Variants in COL6A6 observed in about 807,000 individuals in gnomAD.
COL6A6 encodes the protein collagen alpha-6(VI) chain.
COL6A6 carries 183 observed loss-of-function variants against 208.6 expected under a neutral mutation model. The observed-to-expected ratio is 0.88, with a 90% CI of 0.78 to 0.99. The LOEUF is 0.99. Among genes scored for constraint, COL6A6 ranks in the 50% least tolerant of loss-of-function variants. COL6A6 has a pLI of 0.00. For synonymous variants in COL6A6, 973 were observed against 1,011.8 expected, an observed-to-expected ratio of 0.96 and a Z score of 0.73; for missense variants, 2,816 against 2,815.2, an observed-to-expected ratio of 1.00 and a Z score of -0.01.
intron 1 of COL6A6, among the ~76,000 whole-genome samples, chr3:130,530,191 C>G (rs7610943): frequency 6.7e-6 from 1 of 149,894 alleles, no homozygotes; most frequent in Admixed American, 6.7e-5. Flanking sequence ...GCTTAAAAAC[C>G]GTTTGGCTCT....
chr3:130,586,118 C>G (rs1451149503), intron 10 of COL6A6, among the ~76,000 whole-genome samples: 1 of 152,168 alleles, frequency 6.6e-6, no homozygotes, highest in Non-Finnish European at 1.5e-5. Context: ...CCATGCCCAG[C>G]TAATTTTGTA....
intron 1 of COL6A6, among the ~76,000 whole-genome samples, chr3:130,547,415 A>G (rs1016035424): frequency 1.3e-5 from 2 of 152,210 alleles, no homozygotes; most frequent in African/African-American, 4.8e-5. Context: ...AGCACTGCAC[A>G]CAGCCCTTGG....
At chr3:130,656,141 T>TC (rs1196690742) in intron 33 of COL6A6, among the ~76,000 whole-genome samples, 2 of 152,172 alleles carry the variant, frequency 1.3e-5, no homozygotes, top group East Asian at 1.9e-4. Context: ...GCAGCTCTTC[T>TC]CTCTCCTCTC....
In COL6A6 at chr3:130,614,901, CT is replaced by C. The variant is rs1432263331; in HGVS notation, c.4815+4197del. Among the ~76,000 whole-genome samples, 6 of 151,932 alleles carry C rather than the reference CT, an allele frequency of 3.9e-5. No homozygotes were observed. The East Asian group carries it at 7.7e-4, about 20-fold the overall frequency. On this transcript the variant is annotated intron_variant, in intron 23 of 36. Coordinates refer to ENST00000358511, the MANE Select transcript of COL6A6 (RefSeq NM_001102608.3). ...ATTGTGTTTATTTGGATCTTCTCTC[CT>C]TTTTTTGTATTGGTCTAGCTGACTA...
At chr3:130,569,848 G>A (rs1166170239) in intron 6 of COL6A6, among the ~76,000 whole-genome samples, 1 of 152,120 alleles carries the variant, frequency 6.6e-6, no homozygotes, top group Admixed American at 6.5e-5. Flanking sequence ...CAGTTAGTGG[G>A]GATAAGTACA....
Position 130,676,980 on chromosome 3 carries a change from G to T in COL6A6, c.*1583G>T, listed in dbSNP as rs1369355280. The T allele has an allele frequency of 1.3e-5, 2 of 152,162 alleles. No homozygotes were observed. Among genetic ancestry groups the T allele is most frequent in the Non-Finnish European group, 2.9e-5 (2 of 68,014 alleles). 9.4% of individuals were successfully genotyped at this position (152,162 alleles called of 1,614,324 possible). A position where few individuals can be genotyped will look rare whatever the true frequency, so the allele number is the denominator to read the frequency against. ...AACTCCTTTCTTTTGTTAATTGTTG[G>T]AAATACCATTAAGATGTATTTGTCT... On this transcript the variant is annotated 3_prime_UTR_variant, in exon 37 of 37. Coordinates refer to ENST00000358511, the MANE Select transcript of COL6A6 (RefSeq NM_001102608.3).
chr3:130,581,052 A>C (rs1194532698), intron 8 of COL6A6, among the ~76,000 whole-genome samples: 1 of 152,082 alleles, frequency 6.6e-6, no homozygotes, highest in East Asian at 1.9e-4. Context: ...AACAAGAGGA[A>C]TCAAAAAGGC....
At chr3:130,525,701 C>T (rs983553594) in intron 1 of COL6A6, among the ~76,000 whole-genome samples, 2 of 152,170 alleles carry the variant, frequency 1.3e-5, no homozygotes, top group African/African-American at 2.4e-5. Context: ...CTTCCAGTCT[C>T]ATTCAGTGCC....
rs945211898 is a variant in COL6A6, at chr3:130,571,236, C to T, written c.2820C>T (p.Gly940=). 1 of 1,614,020 alleles carries T rather than the reference C, an allele frequency of 6.2e-7. No individual in the cohort carries two copies. The highest frequency in any genetic ancestry group is 8.5e-7 in the Non-Finnish European group (1 of 1,179,884). Residue 940 remains glycine (G), a synonymous_variant, in exon 7 of 37, where the codon GGC becomes GGT. Transcript: ENST00000358511. ...CGGCAAAGGCCTTGCGGGACAAAGGCATTCTTGTCCTGGCTGTGGGGATTG... is the reference window on the plus strand; with the variant it reads ...CGGCAAAGGCCTTGCGGGACAAAGGTATTCTTGTCCTGGCTGTGGGGATTG... ...NATAKALRDK[G]ILVLAVGIDG...
chr3:130,520,090 C>T, intron 1 of COL6A6, among the ~76,000 whole-genome samples: 1 of 152,168 alleles, frequency 6.6e-6, no homozygotes, highest in Non-Finnish European at 1.5e-5. Context: ...CAAATTTCTT[C>T]ATATCTTAGG....
At chr3:130,549,120 T>C (rs1346991064) in intron 1 of COL6A6, among the ~76,000 whole-genome samples, 1 of 152,180 alleles carries the variant, frequency 6.6e-6, no homozygotes, top group Admixed American at 6.5e-5. Flanking sequence ...TTATGCTCTA[T>C]GTAGTTTTCT....
intron 1 of COL6A6, among the ~76,000 whole-genome samples, chr3:130,532,404 G>A (rs370451868): frequency 1.3e-5 from 2 of 152,018 alleles, no homozygotes; most frequent in East Asian, 1.9e-4. Context: ...CCTTGGGCTC[G>A]CCCACCTGTG....
At chr3:130,551,448 G>A (rs565234397) in intron 1 of COL6A6, among the ~76,000 whole-genome samples, 45 of 152,140 alleles carry the variant, frequency 3.0e-4, no homozygotes, top group Non-Finnish European at 5.4e-4. Flanking sequence ...TCTAGTTTGT[G>A]TTCATAGAGC....
chr3:130,603,108 A>G (rs1362708808), intron 20 of COL6A6, among the ~76,000 whole-genome samples: 1 of 152,242 alleles, frequency 6.6e-6, no homozygotes, highest in East Asian at 1.9e-4. Context: ...GAACACCTAC[A>G]GTCCACCAGC....
rs35639839 is a variant in COL6A6, at chr3:130,523,946, A to AT, written c.-32+6556dup. Among the ~76,000 whole-genome samples the AT allele has an allele frequency of 8.5e-4, 129 of 152,118 alleles. 3 individuals are homozygous for AT. The highest frequency in any genetic ancestry group is 1.3e-4 in the Non-Finnish European group (9 of 67,996). On this transcript the variant is annotated intron_variant, in intron 1 of 36. Transcript: ENST00000358511. ...CCATGAATCCAATTTCTAAACTGAG[A>AT]TTTTTTTCCAAGAGTTCTGCCTTAA... is the stretch of plus-strand genomic sequence containing the variant.
intron 3 of COL6A6, 49 bp from the exon 4 acceptor site, chr3:130,564,945 A>G: frequency 6.3e-7 from 1 of 1,585,542 alleles, no homozygotes; most frequent in Non-Finnish European, 8.6e-7. Context: ...CTCACCAAAG[A>G]TGCTGAACCA....
Position 130,599,771 on chromosome 3 carries a change from G to A in COL6A6, c.4614G>A (p.Trp1538Ter), listed in dbSNP as rs561654818. ...GERGRQGRRG[W>*]PGPPGTPGSR... is the part of the protein sequence containing the mutation. ...TCCTTTGACAGGGCAGAAGAGGCTGGCCAGGCCCCCCCGGGACACCAGGCT... is the reference window on the plus strand; with the variant it reads ...TCCTTTGACAGGGCAGAAGAGGCTGACCAGGCCCCCCCGGGACACCAGGCT... Residue 1538 changes from tryptophan (W) to a stop codon, truncating the protein, a stop_gained, in exon 20 of 37, where the codon TGG (tryptophan) becomes TGA (stop). Coordinates refer to ENST00000358511, the MANE Select transcript of COL6A6 (RefSeq NM_001102608.3). LOFTEE classifies it high-confidence loss of function. 1 of 1,613,740 alleles carries A rather than the reference G, an allele frequency of 6.2e-7. No homozygotes were observed. The highest frequency in any genetic ancestry group is 2.2e-5 in the East Asian group (1 of 44,880).
chr3:130,526,829 G>T (rs866795648), intron 1 of COL6A6, among the ~76,000 whole-genome samples: 4 of 151,840 alleles, frequency 2.6e-5, no homozygotes, highest in Non-Finnish European at 5.9e-5. Flanking sequence ...AAAAAAGTCT[G>T]TTTTTACTTT....
At chr3:130,662,439 G>C in intron 35 of COL6A6, 131 bp downstream of exon 35, 1 of 800,946 alleles carries the variant, frequency 1.2e-6, no homozygotes, top group Non-Finnish European at 2.0e-6. Flanking sequence ...GGTCAGAAAG[G>C]AAAATATATA....
Sources: allele counts gnomAD v4.1 joint callset (sites outside exome capture counted in the v4.1 genomes callset), GRCh38; gene constraint gnomAD v4.1.1; transcripts MANE v1.5; gene names NCBI Gene and HGNC (gene_info 2026-07-23, HGNC 2026-07-21).